Variants in TRPM4 observed in about 807,000 individuals in gnomAD.
TRPM4 encodes the protein transient receptor potential cation channel subfamily M member 4, also known as calcium-activated non-selective cation channel 1.
A neutral mutation model predicts 135.6 loss-of-function variants in TRPM4; 124 were observed. The ratio of observed to expected loss-of-function variants is 0.91; its 90% CI spans 0.79 to 1.06. The LOEUF (loss-of-function observed/expected upper bound fraction) is 1.06, where lower values mean the gene tolerates loss of function less well. Among genes scored for constraint, TRPM4 ranks in the 50% least tolerant of loss-of-function variants. TRPM4 has a pLI of 0.00. For missense variants in TRPM4, 1,658 were observed against 1,671.4 expected (o/e 0.99, Z 0.14); for synonymous variants, 745 against 705.6 (o/e 1.06, Z -0.88).
intron 2 of TRPM4, among the ~76,000 whole-genome samples, chr19:49,162,654 A>G (rs916851510): frequency 1.3e-5 from 2 of 152,304 alleles, no homozygotes; most frequent in East Asian, 1.9e-4. Context: ...CCTAGCACTG[A>G]ATGTCAGAAT....
chr19:49,190,100 A>T, intron 14 of TRPM4, 108 bp from the exon 15 acceptor site: 1 of 909,508 alleles, frequency 1.1e-6, no homozygotes, highest in South Asian at 1.3e-5. Context: ...TGGCTGTGAC[A>T]TTGGGCACTT....
chr19:49,157,897 G>T lies in TRPM4; in HGVS notation c.24+7G>T. The stretch of plus-strand genomic sequence containing the variant: ...GGTGCCGGAGAAGGAGCAGGTGAGC[G>T]CCGGACCAGGGTCTGCGGGAGCGCG... On this transcript the variant is annotated splice_region_variant and intron_variant, in intron 1 of 24. Coordinates refer to ENST00000252826, the MANE Select transcript of TRPM4 (RefSeq NM_017636.4). 6.5e-7 allele frequency: 1 copy of T among 1,535,294 alleles called. No homozygotes were observed. The highest frequency in any genetic ancestry group is 8.7e-7 in the Non-Finnish European group (1 of 1,146,514).
At chr19:49,177,483 A>G (rs1054872105) in intron 9 of TRPM4, among the ~76,000 whole-genome samples, 1 of 151,692 alleles carries the variant, frequency 6.6e-6, no homozygotes, top group Non-Finnish European at 1.5e-5. Flanking sequence ...ACCTGCCACT[A>G]TGCCTGGCTA....
chr19:49,209,286 G>A (rs1190755697), intron 20 of TRPM4, among the ~76,000 whole-genome samples: 2 of 152,172 alleles, frequency 1.3e-5, no homozygotes, highest in East Asian at 3.8e-4. Flanking sequence ...CATAGAATGA[G>A]TTAGGAAATG....
Position 49,171,471 on chromosome 19 carries a change from G to T in TRPM4, c.858+53G>T. ...AGGGGGAAGGAGGGTTGGGGGCCAG[G>T]ACTCCTGGGTCCTGAGTCTTAGGGA... On this transcript the variant is annotated intron_variant, in intron 7 of 24. Transcript: ENST00000252826. The surrounding 1 kb of genome is among the most constrained non-coding windows in gnomAD (Gnocchi z 4.7). 3.1e-6 allele frequency: 5 copies of T among 1,612,402 alleles called. No homozygotes were observed. The highest frequency in any genetic ancestry group is 4.2e-6 in the Non-Finnish European group (5 of 1,178,620).
At chr19:49,166,003 G>T in intron 2 of TRPM4, 38 bp from the exon 3 acceptor site, 2 of 1,557,682 alleles carry the variant, frequency 1.3e-6, no homozygotes, top group Admixed American at 1.9e-5. Flanking sequence ...GGGGTCGGGG[G>T]GCAGCCCTGG....
chr19:49,171,216 A>G lies in TRPM4; in HGVS notation c.797-141A>G. The stretch of plus-strand genomic sequence containing the variant: ...AATAAATACATAATTAAGTAAAAAA[A>G]GAAATGACAATTCCAATGAGCCTCT... On this transcript the variant is annotated intron_variant, in intron 6 of 24. Transcript: ENST00000252826. This position sits in a 1 kb window ranked among gnomAD's most constrained non-coding sequence, Gnocchi z 4.7. The G allele has an allele frequency of 1.1e-6, 1 of 915,834 alleles. No individual in the cohort carries two copies. The highest frequency in any genetic ancestry group is 1.7e-6 in the Non-Finnish European group (1 of 572,506). 56.7% of individuals were successfully genotyped at this position (915,834 alleles called of 1,614,324 possible).
At position 49,181,430 on chromosome 19, in the gene TRPM4, G is replaced by A; in HGVS notation, c.1232G>A (p.Ser411Asn). The A allele has an allele frequency of 1.2e-6, 2 of 1,613,466 alleles. No homozygotes were observed. The highest frequency in any genetic ancestry group is 2.7e-5 in the African/African-American group (2 of 74,952). Residue 411 changes from serine to asparagine, a missense_variant, in exon 10 of 25, where the codon AGT becomes AAT. Physicochemically the swap from Ser to Asn is conservative, Grantham distance 46. Coordinates refer to ENST00000252826, the MANE Select transcript of TRPM4 (RefSeq NM_017636.4). Reference protein sequence around the residue: ...VAWNRVDIAQSELFRGDIQWR... With the variant: ...VAWNRVDIAQNELFRGDIQWR... ...TGGAACCGCGTGGACATTGCCCAGA[G>A]TGAACTCTTTCGGGGGGACATCCAA...
At position 49,189,067 on chromosome 19, in the gene TRPM4, C is replaced by T. The variant is rs2122986569; in HGVS notation, c.1995C>T (p.Ala665=). ...LQLAMQADAR[A]FFAQDGVQSL... ...TGGCCATGCAAGCTGACGCCCGTGC[C>T]TTCTTTGCCCAGGATGGGGTACAGG... The change falls in exon 14 of 25, where the codon GCC becomes GCT. Residue 665 remains alanine, a synonymous_variant. Transcript: ENST00000252826. 1 of 1,614,196 alleles carries T rather than the reference C, an allele frequency of 6.2e-7. No individual in the cohort carries two copies. The highest frequency in any genetic ancestry group is 8.5e-7 in the Non-Finnish European group (1 of 1,180,028).
chr19:49,211,768 A>G lies in TRPM4; in HGVS notation c.*270A>G. 1 of 575,282 alleles carries G rather than the reference A, an allele frequency of 1.7e-6. No individual in the cohort carries two copies. The highest frequency in any genetic ancestry group is 3.1e-6 in the Non-Finnish European group (1 of 321,242). The allele number at this position is 575,282 out of a possible 1,614,324, so 35.6% of individuals were successfully genotyped here. On this transcript the variant is annotated 3_prime_UTR_variant, in exon 25 of 25. Coordinates refer to ENST00000252826, the MANE Select transcript of TRPM4 (RefSeq NM_017636.4). This position sits in a 1 kb window ranked among gnomAD's most constrained non-coding sequence, Gnocchi z 4.8. ...TGGAGGCTGCAGGGTCCTTGGGGTA[A>G]CAGGGACCACAGACCCCTCACCACT...
intron 10 of TRPM4, among the ~76,000 whole-genome samples, chr19:49,182,264 T>TC (rs1967986193): frequency 1.8e-5 from 1 of 55,742 alleles, no homozygotes; most frequent in Non-Finnish European, 3.6e-5. Context: ...GTCCATCCAT[T>TC]CATCTGTCCA....
rs1600520277 is a variant in TRPM4 at position 49,202,076 on chromosome 19, G to A, written c.3066G>A (p.Leu1022=). ...VSQYANWLVV[L]LLVIFLLVAN... is the part of the protein sequence containing the mutation. ...AGTATGCCAACTGGCTGGTGGTGCT[G>A]CTCCTCGTCATCTTCCTGCTCGTGG... The change falls in exon 20 of 25, where the codon CTG becomes CTA. Residue 1022 remains leucine, a synonymous_variant. Transcript: ENST00000252826. 1 of 1,614,080 alleles carries A rather than the reference G, an allele frequency of 6.2e-7. No homozygotes were observed. The highest frequency in any genetic ancestry group is 8.5e-7 in the Non-Finnish European group (1 of 1,180,040).
chr19:49,171,864 A>G lies in TRPM4; in HGVS notation c.1050+95A>G, dbSNP rs1485898601. On this transcript the variant is annotated intron_variant, in intron 8 of 24. Coordinates refer to ENST00000252826, the MANE Select transcript of TRPM4 (RefSeq NM_017636.4). This position sits in a 1 kb window ranked among gnomAD's most constrained non-coding sequence, Gnocchi z 4.7. ...GAGGGAGGAGGGGCTGGGGGCCTGG[A>G]CTTCCAGGTTCCGGGAGAAGAGGGT... is the stretch of plus-strand genomic sequence containing the variant. 1 of 1,452,602 alleles carries G rather than the reference A, an allele frequency of 6.9e-7. No homozygotes were observed. Among genetic ancestry groups the G allele is most frequent in the Non-Finnish European group, 9.5e-7 (1 of 1,047,586 alleles). 90.0% of individuals were successfully genotyped at this position (1,452,602 alleles called of 1,614,324 possible). A position where few individuals can be genotyped will look rare whatever the true frequency, so the allele number is the denominator to read the frequency against.
At chr19:49,205,247 T>C (rs1969105085) in intron 20 of TRPM4, among the ~76,000 whole-genome samples, 1 of 152,170 alleles carries the variant, frequency 6.6e-6, no homozygotes, top group Non-Finnish European at 1.5e-5. Flanking sequence ...TGTTTTCTTC[T>C]GAGGGATGTC....
chr19:49,196,627 G>A lies in TRPM4; in HGVS notation c.2398G>A (p.Val800Met). Residue 800 changes from valine (V) to methionine (M), a missense_variant, in exon 17 of 25, where the codon GTG becomes ATG. By Grantham distance (21) the Val-to-Met change is conservative. Around this residue, in one of 3 missense-constraint regions of TRPM4, gnomAD observed 1,412 missense variants for 1,408.7 expected, o/e 1.00. Coordinates refer to ENST00000252826, the MANE Select transcript of TRPM4 (RefSeq NM_017636.4). ...GCTGTTCCTGCTGCTTTTCTCGCGG[G>A]TGCTGCTCGTGGATTTCCAGCCGGC... is the stretch of plus-strand genomic sequence containing the variant. ...YLLFLLLFSRVLLVDFQPAPP... is the reference protein window; with the variant it reads ...YLLFLLLFSRMLLVDFQPAPP... 2 of 1,551,876 alleles carry A rather than the reference G, an allele frequency of 1.3e-6. No individual in the cohort carries two copies. The highest frequency in any genetic ancestry group is 1.7e-6 in the Non-Finnish European group (2 of 1,151,398).
chr19:49,197,364 C>CTTTCTTTCTT (rs1305134354), intron 17 of TRPM4, among the ~76,000 whole-genome samples: 4 of 72,654 alleles, frequency 5.5e-5, no homozygotes, highest in Admixed American at 1.5e-4. Flanking sequence ...TTCTTTCTTT[C>CTTTCTTTCTT]TCTCTCTTTC....
intron 10 of TRPM4, 43 bp downstream of exon 10, chr19:49,181,504 A>C (rs764603834): frequency 2.5e-6 from 3 of 1,177,196 alleles, no homozygotes; most frequent in Non-Finnish European, 3.8e-6. Flanking sequence ...TGACAAAGGG[A>C]CTGTGCTGTC....
At chr19:49,208,289 C>T (rs1969223067) in intron 20 of TRPM4, among the ~76,000 whole-genome samples, 1 of 113,458 alleles carries the variant, frequency 8.8e-6, no homozygotes, top group Non-Finnish European at 1.8e-5. Context: ...ATCAGTCAGG[C>T]CCTCCACAAG....
Position 49,182,640 on chromosome 19 carries a change from C to T in TRPM4, c.1326C>T (p.Arg442=), listed in dbSNP as rs1352609353. The stretch of plus-strand genomic sequence containing the variant: ...TGAATGACCGGCCTGAGTTCGTGCG[C>T]TTGCTCATTTCCCACGGCCTCAGCC... ...ALLNDRPEFV[R]LLISHGLSLG... The change falls in exon 11 of 25, where the codon CGC becomes CGT. Residue 442 remains arginine, a synonymous_variant. Transcript: ENST00000252826. The T allele has an allele frequency of 6.2e-7, 1 of 1,614,216 alleles. No individual in the cohort carries two copies. Among genetic ancestry groups the T allele is most frequent in the Non-Finnish European group, 8.5e-7 (1 of 1,180,050 alleles).
Sources: gnomAD v4.1 joint callset for allele counts (sites outside exome capture counted in the v4.1 genomes callset) on GRCh38, gnomAD v4.1.1 for gene constraint, gnomAD v4.1.1 regional missense constraint, Gnocchi (gnomAD v3.1) non-coding constraint, MANE v1.5 for transcripts, NCBI Gene and HGNC (gene_info 2026-07-23, HGNC 2026-07-21) for gene names.